The following RTEL1 variants were observed in gnomAD, a reference collection of about 807,000 sequenced individuals.
RTEL1 encodes the protein regulator of telomere length.
In RTEL1, 86 loss-of-function variants were observed where a neutral mutation model predicts 162.2. That is an observed-to-expected ratio of 0.53 (90% CI 0.45 to 0.63). RTEL1 has a LOEUF of 0.63. Ranked by LOEUF, RTEL1 falls within the 30% of genes least tolerant of loss-of-function variation. The pLI, the probability that RTEL1 is intolerant of heterozygous loss-of-function variation, is 0.00. For missense variants in RTEL1, 1,941 were observed against 1,750.2 expected, an observed-to-expected ratio of 1.11 and a Z score of -1.95; for synonymous variants, 958 against 717.9, an observed-to-expected ratio of 1.33 and a Z score of -5.35.
At chr20:63,676,810 T>C (rs3787095) in intron 10 of RTEL1, among the ~76,000 whole-genome samples, 77,630 of 151,722 alleles carry the variant, frequency 0.51, 20,823 homozygotes, top group African/African-American at 0.65. Context: ...TGGTGCATGC[T>C]TGTAATCCCA....
At chr20:63,680,935 G>T in intron 14 of RTEL1, 1 of 985,432 alleles carries the variant, frequency 1.0e-6, no homozygotes, top group Non-Finnish European at 1.2e-6. Context: ...GGTGGCACAT[G>T]CCCAGGGTGA....
At chr20:63,685,676 G>A (rs1026206411) in intron 15 of RTEL1, 79 bp downstream of exon 15, 12 of 1,586,986 alleles carry the variant, frequency 7.6e-6, no homozygotes, top group Non-Finnish European at 8.6e-6. Flanking sequence ...GTCCTATAAG[G>A]TGGGGGCCAC....
chr20:63,669,614 C>T (rs1214975097), intron 8 of RTEL1, among the ~76,000 whole-genome samples: 3 of 152,270 alleles, frequency 2.0e-5, no homozygotes, highest in African/African-American at 7.2e-5. Flanking sequence ...ACCCACTTAA[C>T]CACTGGGAAG....
chr20:63,669,150 T>C (rs1033796116), intron 8 of RTEL1, among the ~76,000 whole-genome samples: 1 of 152,198 alleles, frequency 6.6e-6, no homozygotes, highest in Non-Finnish European at 1.5e-5. Context: ...GCCTGGCCCT[T>C]GGTGATTGTT....
rs762201678 is a variant in RTEL1, at chr20:63,690,083, C to T, written c.2142-4C>T. 3.1e-6 allele frequency: 5 copies of T among 1,610,296 alleles called. No individual in the cohort carries two copies. The highest frequency in any genetic ancestry group is 4.2e-6 in the Non-Finnish European group (5 of 1,179,538). On this transcript the variant is annotated splice_polypyrimidine_tract_variant and splice_region_variant and intron_variant, in intron 24 of 34. Coordinates refer to ENST00000360203, the MANE Select transcript of RTEL1 (RefSeq NM_001283009.2). ...AGGGCAGCAGGGCTATGGCCACCCC[C>T]CAGGTTCGCCTTTGCCGACGCAAGA...
At chr20:63,686,015 G>A (rs897553815) in intron 16 of RTEL1, 143 bp downstream of exon 16, 1 of 725,562 alleles carries the variant, frequency 1.4e-6, no homozygotes, top group African/African-American at 1.7e-5. Context: ...CCAATCCAGA[G>A]CATTCTCCTC....
chr20:63,692,640 G>A (rs867139011), intron 28 of RTEL1, 165 bp from the exon 29 acceptor site: 27 of 657,660 alleles, frequency 4.1e-5, no homozygotes, highest in African/African-American at 3.3e-4. Flanking sequence ...CTTTCTTCCC[G>A]CAGCCCCTCC....
chr20:63,694,402 T>C lies in RTEL1; in HGVS notation c.3023T>C (p.Val1008Ala). ...ACGGCGCCGGATCCCAAGCTGACCG[T>C]GTCCACGGCTGCAGCCCAGCAGCTG... is the stretch of plus-strand genomic sequence containing the variant. ...GRTAPDPKLT[V>A]STAAAQQLDP... The change falls in exon 31 of 35, where the codon GTG becomes GCG. Residue 1008 changes from valine (V) to alanine (A), a missense_variant. Transcript: ENST00000360203. 2 of 1,611,560 alleles carry C rather than the reference T, an allele frequency of 1.2e-6. No homozygotes were observed.
At position 63,675,946 on chromosome 20, in the gene RTEL1, C is replaced by T. The variant is rs1028886016; in HGVS notation, c.919+1853C>T. The stretch of plus-strand genomic sequence containing the variant: ...GTGAACATCACCACGGGGCCTTCTC[C>T]ACTCTTCAGTTTTGTTAGTTACTTG... On this transcript the variant is annotated intron_variant, in intron 10 of 34. Transcript: ENST00000360203. Among the ~76,000 whole-genome samples the T allele has an allele frequency of 2.6e-5, 4 of 152,352 alleles. No homozygotes were observed. In the East Asian group the frequency reaches 7.7e-4, roughly 29 times the overall value.
In RTEL1 at chr20:63,689,534, T is replaced by A; in HGVS notation, c.1911T>A (p.Asn637Lys). The change falls in exon 23 of 35, where the codon AAT (asparagine) becomes AAA (lysine). Residue 637 changes from asparagine to lysine, a missense_variant. Asn to Lys is a moderately conservative substitution (Grantham distance 94, BLOSUM62 0). Transcript: ENST00000360203. ...AGGGGCTGGACTTCTCAGACACGAA[T>A]GGCCGTGGTGTGATTGTCACGGGCC... ...ASEGLDFSDT[N>K]GRGVIVTGLP... 6.2e-7 allele frequency: 1 copy of A among 1,610,080 alleles called. No homozygotes were observed. Among genetic ancestry groups the A allele is most frequent in the Non-Finnish European group, 8.5e-7 (1 of 1,179,010 alleles).
chr20:63,687,855 GGGTGCT>G, intron 17 of RTEL1, 76 bp from the exon 18 acceptor site: 5 of 1,547,968 alleles, frequency 3.2e-6, no homozygotes, highest in Non-Finnish European at 3.5e-6. Flanking sequence ...CCCATGAGCC[GGGTGCT>G]GGGGGTCTCG....
Position 63,661,946 on chromosome 20 carries a change from G to A in RTEL1, c.395+3G>A, listed in dbSNP as rs2090028643. The A allele has an allele frequency of 6.2e-7, 1 of 1,612,884 alleles. No homozygotes were observed. Among genetic ancestry groups the A allele is most frequent in the South Asian group, 1.1e-5 (1 of 91,048 alleles). ...GAGCTTCGGAACACCTCCTACCGGT[G>A]GGTCAGACGAGTTTACACCTGTCTC... On this transcript the variant is annotated splice_donor_region_variant and intron_variant, in intron 4 of 34. Transcript: ENST00000360203. This position sits in a 1 kb window ranked among gnomAD's most constrained non-coding sequence, Gnocchi z 5.1.
rs1601197253 is a variant in RTEL1 at position 63,694,946 on chromosome 20, A to G, written c.3315A>G (p.Ala1105=). The change falls in exon 32 of 35, where the codon GCA becomes GCG. Residue 1105 remains alanine, a synonymous_variant. Transcript: ENST00000360203. ...VLAVLAALTT[A]KPEDFPLLHR... The stretch of plus-strand genomic sequence containing the variant: ...CTGTGTTGGCCGCCCTGACCACTGC[A>G]AAGCCAGAGGACTTCCCCCTGCTGC... 4 of 1,612,550 alleles carry G rather than the reference A, an allele frequency of 2.5e-6. No individual in the cohort carries two copies. The highest frequency in any genetic ancestry group is 1.1e-5 in the South Asian group (1 of 91,082).
Position 63,661,160 on chromosome 20 carries a change from C to T in RTEL1, c.103-138C>T, listed in dbSNP as rs1203826109. 1.3e-6 allele frequency: 1 copy of T among 754,964 alleles called. No homozygotes were observed. The highest frequency in any genetic ancestry group is 2.1e-6 in the Non-Finnish European group (1 of 468,554). The allele number at this position is 754,964 out of a possible 1,614,324, so 46.8% of individuals were successfully genotyped here. ...GCCTGTGGACTTCTCCGCGGTCCCA[C>T]AGGGCTCTCGCCACCTGGCAGTGGC... On this transcript the variant is annotated intron_variant, in intron 2 of 34. Transcript: ENST00000360203. This position sits in a 1 kb window ranked among gnomAD's most constrained non-coding sequence, Gnocchi z 5.1.
chr20:63,681,133 A>G, intron 14 of RTEL1: 5 of 985,396 alleles, frequency 5.1e-6, no homozygotes, highest in Non-Finnish European at 6.0e-6. Context: ...GGGACCCTGC[A>G]GGTTCCCGGC....
rs368887784 is a variant in RTEL1 at position 63,695,413 on chromosome 20, G to A, written c.3585G>A (p.Ala1195=). ...LRQRPAGTVG[A]GGEDAGPSQS... Reference sequence around the variant, plus strand: ...AGAGGCCAGCAGGGACTGTGGGGGCGGGCGGTGAGGATGCAGGTCCCAGCC... The same window carrying A: ...AGAGGCCAGCAGGGACTGTGGGGGCAGGCGGTGAGGATGCAGGTCCCAGCC... Residue 1195 remains alanine, a synonymous_variant, in exon 34 of 35, where the codon GCG becomes GCA. Transcript: ENST00000360203. The A allele has an allele frequency of 3.2e-5, 50 of 1,560,634 alleles. No homozygotes were observed. The highest frequency in any genetic ancestry group is 1.2e-4 in the African/African-American group (9 of 73,788).
chr20:63,695,969 T>A lies in RTEL1; in HGVS notation c.*111T>A. ...ATAGGCCAGCCCATGCCAGCCGGCT[T>A]GGCCCGCTGCAGGCCTCAGGCAGGC... is the stretch of plus-strand genomic sequence containing the variant. On this transcript the variant is annotated 3_prime_UTR_variant, in exon 35 of 35. Coordinates refer to ENST00000360203, the MANE Select transcript of RTEL1 (RefSeq NM_001283009.2). 8.9e-7 allele frequency: 1 copy of A among 1,126,548 alleles called. No homozygotes were observed. The highest frequency in any genetic ancestry group is 2.6e-5 in the East Asian group (1 of 38,706). 69.8% of individuals were successfully genotyped at this position (1,126,548 alleles called of 1,614,324 possible). A position where few individuals can be genotyped will look rare whatever the true frequency, so the allele number is the denominator to read the frequency against.
At chr20:63,675,250 GTC>G (rs1356235714) in intron 10 of RTEL1, among the ~76,000 whole-genome samples, 1 of 152,210 alleles carries the variant, frequency 6.6e-6, no homozygotes, top group Non-Finnish European at 1.5e-5. Flanking sequence ...CTGACTAGGA[GTC>G]TGTGTGAATA....
intron 6 of RTEL1, 48 bp from the exon 7 acceptor site, chr20:63,665,956 C>A: frequency 6.3e-7 from 1 of 1,575,612 alleles, no homozygotes; most frequent in Non-Finnish European, 8.7e-7. Context: ...TGGTCTGGGA[C>A]TTAGTGGACC....
Sources: gnomAD v4.1 joint callset for allele counts (sites outside exome capture counted in the v4.1 genomes callset) on GRCh38, gnomAD v4.1.1 for gene constraint, Gnocchi (gnomAD v3.1) non-coding constraint, MANE v1.5 for transcripts, NCBI Gene and HGNC (gene_info 2026-07-23, HGNC 2026-07-21) for gene names.